DDX6: variants seen among roughly 807,000 people sequenced by gnomAD.
DDX6 encodes the protein probable ATP-dependent RNA helicase DDX6.
Under a neutral mutation model 60.6 loss-of-function variants are expected in DDX6, and 7 were observed. The ratio of observed to expected loss-of-function variants is 0.12; its 90% confidence interval spans 0.07 to 0.22. The LOEUF is 0.22. Ranked by LOEUF, DDX6 falls within the 10% of genes least tolerant of loss-of-function variation. The pLI is 1.00. For missense variants in DDX6, 270 were observed against 589.9 expected, an observed-to-expected ratio of 0.46 and a Z score of 5.62; for synonymous variants, 207 against 201.0, an observed-to-expected ratio of 1.03 and a Z score of -0.25.
intron 13 of DDX6, among the ~76,000 whole-genome samples, chr11:118,752,815 G>A (rs1033366619): frequency 2.0e-5 from 3 of 152,220 alleles, no homozygotes; most frequent in Non-Finnish European, 2.9e-5. Context: ...GAGGCAGGGC[G>A]TGGTGGCTCA....
intron 4 of DDX6, 32 bp downstream of exon 4, chr11:118,779,600 C>G (rs1555164258): frequency 1.4e-6 from 2 of 1,402,828 alleles, no homozygotes; most frequent in Admixed American, 3.8e-5. Context: ...TGACACATAA[C>G]CTTACATATG....
intron 4 of DDX6, among the ~76,000 whole-genome samples, chr11:118,768,647 A>T (rs1193486685): frequency 6.6e-6 from 1 of 152,134 alleles, no homozygotes; most frequent in Admixed American, 6.6e-5. Flanking sequence ...AAATGGAGGA[A>T]CTCAGGCTGA....
rs386375042 is a variant in DDX6 at position 118,749,358 on chromosome 11, GAAAAAAAAAAAA to G, written c.*2735_*2746del. ...TTATTATGAGGGCCCAAAAAAGAAA[GAAAAAAAAAAAA>G]AAAAAAAAAAAGACCAGGCTTTGAC... is the stretch of plus-strand genomic sequence containing the variant. On this transcript the variant is annotated 3_prime_UTR_variant, in exon 14 of 14. Coordinates refer to ENST00000534980, the MANE Select transcript of DDX6 (RefSeq NM_004397.6). 4 of 91,790 alleles carry G rather than the reference GAAAAAAAAAAAA, an allele frequency of 4.4e-5. No homozygotes were observed. Among genetic ancestry groups the G allele is most frequent in the South Asian group, 8.6e-4 (2 of 2,338 alleles). 5.7% of individuals were successfully genotyped at this position (91,790 alleles called of 1,614,324 possible). A position where few individuals can be genotyped will look rare whatever the true frequency, so the allele number is the denominator to read the frequency against.
At position 118,786,495 on chromosome 11, in the gene DDX6, A is replaced by G. The variant is rs1190457478; in HGVS notation, c.-244T>C. ...AAAAGCCCTCTAACAAGCTTGAGTT[A>G]TATCTGAATTCACTCACGTCAATCT... On this transcript the variant is annotated 5_prime_UTR_variant, in exon 2 of 14. Coordinates refer to ENST00000534980, the MANE Select transcript of DDX6 (RefSeq NM_004397.6). 3 of 332,362 alleles carry G rather than the reference A, an allele frequency of 9.0e-6. No homozygotes were observed. Among genetic ancestry groups the G allele is most frequent in the Non-Finnish European group, 1.6e-5 (3 of 184,274 alleles). The allele number at this position is 332,362 out of a possible 1,614,324, so 20.6% of individuals were successfully genotyped here.
intron 13 of DDX6, among the ~76,000 whole-genome samples, chr11:118,752,929 A>C (rs1555157775): frequency 6.6e-6 from 1 of 152,146 alleles, no homozygotes; most frequent in East Asian, 1.9e-4. Context: ...TCTTAATAAA[A>C]ATAAAAAAAA....
chr11:118,755,658 T>C (rs1412266690), intron 11 of DDX6, among the ~76,000 whole-genome samples, 155 bp from the exon 12 acceptor site: 1 of 152,186 alleles, frequency 6.6e-6, no homozygotes, highest in African/African-American at 2.4e-5. Flanking sequence ...ATAATCACAT[T>C]ATCATAAATA....
chr11:118,754,793 A>C lies in DDX6; in HGVS notation c.1371T>G (p.Ile457Met). The C allele has an allele frequency of 6.2e-7, 1 of 1,613,924 alleles. No homozygotes were observed. The highest frequency in any genetic ancestry group is 8.5e-7 in the Non-Finnish European group (1 of 1,179,868). The change falls in exon 13 of 14, where the codon ATT (isoleucine) becomes ATG (methionine). Residue 457 changes from isoleucine to methionine, a missense_variant. This residue lies in a region of DDX6 where 34 missense variants were observed against 59.4 expected (regional missense o/e 0.57). Coordinates refer to ENST00000534980, the MANE Select transcript of DDX6 (RefSeq NM_004397.6). ...KSIEEQLGTEIKPIPSNIDKS... is the reference protein window; with the variant it reads ...KSIEEQLGTEMKPIPSNIDKS... ...TATCAATGTTGCTCGGAATAGGTTT[A>C]ATTTCTGTTCCCAGCTGCTCCTCAA... is the stretch of plus-strand genomic sequence containing the variant.
intron 2 of DDX6, among the ~76,000 whole-genome samples, chr11:118,783,945 G>A (rs995211851): frequency 6.0e-5 from 9 of 151,100 alleles, no homozygotes; most frequent in African/African-American, 1.5e-4. Context: ...ACAAAACGCC[G>A]TCGCTACTGG....
At chr11:118,790,193 T>C (rs943940611) in intron 1 of DDX6, 3 of 152,118 alleles carry the variant, frequency 2.0e-5, no homozygotes, top group Middle Eastern at 3.4e-3. Context: ...GAAAGAGTCA[T>C]TGACTAATGA....
chr11:118,775,217 G>A (rs1392839668), intron 4 of DDX6, among the ~76,000 whole-genome samples: 1 of 152,136 alleles, frequency 6.6e-6, no homozygotes, highest in Non-Finnish European at 1.5e-5. Context: ...TTGGGAGGCC[G>A]AGGCACGAGA....
intron 10 of DDX6, 51 bp from the exon 11 acceptor site, chr11:118,756,374 A>G (rs979127660): frequency 1.2e-4 from 162 of 1,370,932 alleles, no homozygotes; most frequent in Admixed American, 4.7e-4. Context: ...TACAGCCCCA[A>G]ATTTCCCATA....
chr11:118,758,480 T>A (rs1555159478), intron 9 of DDX6, among the ~76,000 whole-genome samples: 1 of 152,128 alleles, frequency 6.6e-6, no homozygotes, highest in Non-Finnish European at 1.5e-5. Flanking sequence ...TTCAAGCAAT[T>A]CTCCTGCCTC....
intron 5 of DDX6, among the ~76,000 whole-genome samples, chr11:118,765,875 G>A (rs1011519986): frequency 7.2e-5 from 11 of 151,820 alleles, no homozygotes; most frequent in Non-Finnish European, 1.0e-4. Context: ...ACCTGAGGCC[G>A]GGAGTTTGAG....
intron 1 of DDX6, chr11:118,787,002 C>T (rs540335960): frequency 1.3e-5 from 2 of 152,140 alleles, no homozygotes; most frequent in Non-Finnish European, 2.9e-5. Flanking sequence ...CTTCACACTT[C>T]CAGAAAAAAA....
At chr11:118,772,920 T>A (rs1031367281) in intron 4 of DDX6, among the ~76,000 whole-genome samples, 1 of 152,228 alleles carries the variant, frequency 6.6e-6, no homozygotes, top group Non-Finnish European at 1.5e-5. Flanking sequence ...TAGCCCACAC[T>A]GGGCCAGCGG....
chr11:118,758,434 T>C (rs475946), intron 9 of DDX6, among the ~76,000 whole-genome samples: 131,315 of 152,028 alleles, frequency 0.86, 56,906 homozygotes, highest in East Asian at 1. Context: ...AGTGCAATGG[T>C]GCAATCTCAG....
chr11:118,766,987 G>T (rs1253376941), intron 5 of DDX6, among the ~76,000 whole-genome samples: 1 of 151,826 alleles, frequency 6.6e-6, no homozygotes, highest in African/African-American at 2.4e-5. Flanking sequence ...CCAGGTTCAA[G>T]CAATTCTCCT....
chr11:118,751,542 A>AT lies in DDX6; in HGVS notation c.*562dup, dbSNP rs1396908095. 1 of 153,016 alleles carries AT rather than the reference A, an allele frequency of 6.5e-6. No individual in the cohort carries two copies. Among genetic ancestry groups the AT allele is most frequent in the African/African-American group, 2.4e-5 (1 of 41,506 alleles). The allele number at this position is 153,016 out of a possible 1,614,324, so 9.5% of individuals were successfully genotyped here. A position where few individuals can be genotyped will look rare whatever the true frequency, so the allele number is the denominator to read the frequency against. On this transcript the variant is annotated 3_prime_UTR_variant, in exon 14 of 14. Transcript: ENST00000534980. ...CAACCTGAAACCAAAATAAGAAGAC[A>AT]TTTTTTAAAAGAAAAAGAAAAAAAA...
rs909561798 is a variant in DDX6, at chr11:118,764,735, C to T, written c.646+474G>A. On this transcript the variant is annotated intron_variant, in intron 6 of 13. Transcript: ENST00000534980. ...AGGAGAATGGCCTGAACCTGGGAGG[C>T]GGAGATTGCAGTGAGTCAAGATTGC... 7.9e-4 allele frequency among the ~76,000 whole-genome samples: 119 copies of T among 150,342 alleles called. 1 individual carries two copies. The highest frequency in any genetic ancestry group is 3.8e-3 in the Admixed American group (57 of 14,938).
Sources: allele counts gnomAD v4.1 joint callset (sites outside exome capture counted in the v4.1 genomes callset), GRCh38; gene constraint gnomAD v4.1.1; regional missense constraint gnomAD v4.1.1; transcripts MANE v1.5; gene names NCBI Gene and HGNC (gene_info 2026-07-23, HGNC 2026-07-21).